Variants in KLF8 observed in about 807,000 individuals in gnomAD.
The protein encoded by KLF8 is KLF transcription factor 8.
In KLF8, 10 loss-of-function variants were observed where a neutral mutation model predicts 18.2. That is an observed-to-expected ratio of 0.55 (90% confidence interval 0.34 to 0.93). The LOEUF (loss-of-function observed/expected upper bound fraction) is 0.93. Ranked by LOEUF, KLF8 falls within the 40% of genes least tolerant of loss-of-function variation. KLF8 has a pLI of 0.02. For missense variants in KLF8, 264 were observed against 277.9 expected, an observed-to-expected ratio of 0.95 and a Z score of 0.36; for synonymous variants, 109 against 97.3, an observed-to-expected ratio of 1.12 and a Z score of -0.71.
the KLF8 span, among the ~76,000 whole-genome samples, chrX:56,204,977 T>C: frequency 3.6e-5 from 4 of 111,011 alleles, no homozygotes; most frequent in Non-Finnish European, 7.5e-5. Flanking sequence ...TTTTAGAAGC[T>C]GGGCAGAGAA....
the KLF8 span, among the ~76,000 whole-genome samples, chrX:56,042,408 C>A: frequency 1.8e-5 from 2 of 111,056 alleles, no homozygotes; most frequent in Non-Finnish European, 3.8e-5. Flanking sequence ...GAGTTCAGGT[C>A]CTGAATATCT....
chrX:56,020,409 G>T, the KLF8 span, among the ~76,000 whole-genome samples: 1 of 112,136 alleles, frequency 8.9e-6, no homozygotes, highest in Non-Finnish European at 1.9e-5. Flanking sequence ...AAGTCCATGT[G>T]AAACAGTGGG....
chrX:56,276,319 C>T (rs1053584037), intron 5 of KLF8, among the ~76,000 whole-genome samples: 3 of 111,050 alleles, frequency 2.7e-5, no homozygotes, highest in Middle Eastern at 4.2e-3. Flanking sequence ...CTGTGTTTTT[C>T]CTTGTCCTTA....
chrX:55,971,758 A>G, the KLF8 span, among the ~76,000 whole-genome samples: 1 of 111,647 alleles, frequency 9.0e-6, no homozygotes, highest in African/African-American at 3.2e-5. Flanking sequence ...AGATTTGAAT[A>G]GACATTTCCC....
the KLF8 span, among the ~76,000 whole-genome samples, chrX:56,082,046 G>A: frequency 4.0e-4 from 45 of 111,224 alleles, no homozygotes; most frequent in African/African-American, 1.5e-3. Context: ...CTCTTTAAAT[G>A]TTTACTAGAA....
At chrX:55,985,467 T>C in the KLF8 span, among the ~76,000 whole-genome samples, 3 of 111,716 alleles carry the variant, frequency 2.7e-5, no homozygotes, top group African/African-American at 9.7e-5. Context: ...AATTCTCTAT[T>C]CTGTTCCATT....
the KLF8 span, among the ~76,000 whole-genome samples, chrX:56,027,840 A>G: frequency 1.8e-5 from 2 of 112,759 alleles, no homozygotes; most frequent in East Asian, 5.6e-4. Context: ...ACAGACTTCA[A>G]TGGTTATGCG....
chrX:55,995,802 C>T, the KLF8 span, among the ~76,000 whole-genome samples: 1 of 111,150 alleles, frequency 9.0e-6, no homozygotes, highest in Non-Finnish European at 1.9e-5. Context: ...CTCTAGCTGC[C>T]TTTAATATTT....
chrX:56,254,658 G>A (rs1376105404), intron 2 of KLF8, among the ~76,000 whole-genome samples: 3 of 110,880 alleles, frequency 2.7e-5, no homozygotes, highest in Admixed American at 1.9e-4. Flanking sequence ...CTGAAAAGGG[G>A]ATGGAGTGGG....
the KLF8 span, among the ~76,000 whole-genome samples, chrX:56,144,871 C>A: frequency 9.2e-6 from 1 of 108,218 alleles, no homozygotes; most frequent in Non-Finnish European, 1.9e-5. Context: ...CAGCTCACTG[C>A]AACCTCTGCC....
At chrX:56,202,561 C>G in the KLF8 span, among the ~76,000 whole-genome samples, 4 of 79,448 alleles carry the variant, frequency 5.0e-5, no homozygotes, top group Non-Finnish European at 1.0e-4. Flanking sequence ...ATTAACCTTC[C>G]CCCCCCCTCC....
chrX:56,236,577 C>A, intron 1 of KLF8, among the ~76,000 whole-genome samples: 1 of 111,171 alleles, frequency 9.0e-6, no homozygotes, highest in Non-Finnish European at 1.9e-5. Flanking sequence ...GCGAGACGTG[C>A]AAACAATTAG....
At chrX:55,914,468 C>T in the KLF8 span, among the ~76,000 whole-genome samples, 1 of 111,863 alleles carries the variant, frequency 8.9e-6, no homozygotes, top group African/African-American at 3.2e-5. Flanking sequence ...AATAGTTATG[C>T]TCACTTTTTA....
the KLF8 span, among the ~76,000 whole-genome samples, chrX:56,125,094 C>T: frequency 2.7e-5 from 3 of 111,892 alleles, no homozygotes; most frequent in Admixed American, 2.8e-4. Flanking sequence ...AGGGTATGAT[C>T]AGCAATACTT....
intron 2 of KLF8, among the ~76,000 whole-genome samples, chrX:56,261,790 A>G (rs760350901): frequency 1.6e-4 from 18 of 111,753 alleles, no homozygotes; most frequent in Non-Finnish European, 3.2e-4. Flanking sequence ...ATCATATTGA[A>G]AAAAGAATCC....
the KLF8 span, among the ~76,000 whole-genome samples, chrX:56,189,960 T>G: frequency 9.3e-6 from 1 of 107,479 alleles, no homozygotes; most frequent in Non-Finnish European, 1.9e-5. Context: ...GCATGGCACA[T>G]GTATACATAT....
the KLF8 span, among the ~76,000 whole-genome samples, chrX:56,104,529 G>C: frequency 9.0e-6 from 1 of 111,508 alleles, no homozygotes; most frequent in Non-Finnish European, 1.9e-5. Flanking sequence ...TTCTCTGATG[G>C]TACTTTGTAT....
At chrX:56,127,479 G>A in the KLF8 span, among the ~76,000 whole-genome samples, 184 of 110,341 alleles carry the variant, frequency 1.7e-3, 1 homozygote, top group African/African-American at 5.9e-3. Context: ...TAGGCAACAT[G>A]GTGAGACCCT....
the KLF8 span, among the ~76,000 whole-genome samples, chrX:56,171,187 C>T: frequency 2.0e-3 from 222 of 111,417 alleles, no homozygotes; most frequent in African/African-American, 6.9e-3. Context: ...ACAAAGAATC[C>T]ATCAAAAACT....
Sources: gnomAD v4.1 joint callset for allele counts (sites outside exome capture counted in the v4.1 genomes callset) on GRCh38, gnomAD v4.1.1 for gene constraint, MANE v1.5 for transcripts, NCBI Gene and HGNC (gene_info 2026-07-23, HGNC 2026-07-21) for gene names.